LAMA3: variants seen among roughly 807,000 people sequenced by gnomAD.
The protein encoded by LAMA3 is laminin subunit alpha-3.
In LAMA3, 281 loss-of-function variants were observed where a neutral mutation model predicts 402.0. That is an observed-to-expected ratio of 0.70 (90% CI 0.63 to 0.77). LAMA3 has a LOEUF of 0.77. Among genes scored for constraint, LAMA3 ranks in the 30% least tolerant of loss-of-function variants. The pLI, the probability that LAMA3 is intolerant of heterozygous loss-of-function variation, is 0.00. For missense variants in LAMA3, 3,840 were observed against 4,215.5 expected (o/e 0.91, Z 2.47); for synonymous variants, 1,431 against 1,558.4 (o/e 0.92, Z 1.93).
chr18:23,940,281 G>C (rs1017858263), intron 68 of LAMA3, among the ~76,000 whole-genome samples: 1 of 152,192 alleles, frequency 6.6e-6, no homozygotes, highest in Non-Finnish European at 1.5e-5. Context: ...TCCACAGACT[G>C]TAACACAGTC....
intron 41 of LAMA3, among the ~76,000 whole-genome samples, chr18:23,889,632 AAAG>A (rs1204296324): frequency 7.8e-5 from 11 of 140,222 alleles, no homozygotes; most frequent in Non-Finnish European, 1.4e-4. Context: ...GGAAAAAAGA[AAAG>A]AAGAGAAGAG....
intron 7 of LAMA3, 59 bp downstream of exon 7, chr18:23,758,570 C>A: frequency 7.9e-7 from 1 of 1,259,286 alleles, no homozygotes; most frequent in Non-Finnish European, 1.2e-6. Flanking sequence ...TCCCTGGGGG[C>A]TGAGGCTATT....
intron 73 of LAMA3, 71 bp downstream of exon 73, chr18:23,951,848 A>G: frequency 8.2e-7 from 1 of 1,219,308 alleles, no homozygotes; most frequent in Non-Finnish European, 1.2e-6. Context: ...TGAACATCCC[A>G]AAGGCAGCCT....
chr18:23,850,090 G>A (rs2144655035), intron 32 of LAMA3, among the ~76,000 whole-genome samples: 1 of 152,240 alleles, frequency 6.6e-6, no homozygotes, highest in Admixed American at 6.5e-5. Flanking sequence ...GTTTAGAGGA[G>A]TCTAAAGCTC....
intron 74 of LAMA3, among the ~76,000 whole-genome samples, chr18:23,953,548 G>T (rs1219287162): frequency 1.3e-5 from 2 of 151,836 alleles, no homozygotes; most frequent in Non-Finnish European, 2.9e-5. Flanking sequence ...TGCTATGTTG[G>T]CCAGGCTGGT....
At chr18:23,893,808 T>C (rs2080777267) in intron 42 of LAMA3, among the ~76,000 whole-genome samples, 1 of 152,190 alleles carries the variant, frequency 6.6e-6, no homozygotes, top group Non-Finnish European at 1.5e-5. Flanking sequence ...TCTGTTACAC[T>C]GTAAATGCTC....
Position 23,814,497 on chromosome 18 carries a change from G to T in LAMA3, c.1883G>T (p.Cys628Phe). The T allele has an allele frequency of 6.2e-7, 1 of 1,601,176 alleles. No homozygotes were observed. Among genetic ancestry groups the T allele is most frequent in the Non-Finnish European group, 8.6e-7 (1 of 1,168,312 alleles). ...CTGGACAAAGAAAACCCCAGTGGAT[G>T]TTCAGGTAGGTTTCTTATATGTCAT... ...WNLDKENPSG[C>F]SECKCHKAGT... The change falls in exon 15 of 75, where the codon TGT becomes TTT. Residue 628 changes from cysteine (C) to phenylalanine (F), a missense_variant. Around this residue, in one of 3 missense-constraint regions of LAMA3, gnomAD observed 2,109 missense variants for 2,376.0 expected, o/e 0.89. Coordinates refer to ENST00000313654, the MANE Select transcript of LAMA3 (RefSeq NM_198129.4).
At chr18:23,834,834 A>G (rs1406712894) in intron 24 of LAMA3, 1 of 152,248 alleles carries the variant, frequency 6.6e-6, no homozygotes, top group Admixed American at 6.5e-5. Context: ...CAAATAAACA[A>G]AAACTTATCC....
chr18:23,760,678 A>C (rs2061949389), intron 7 of LAMA3, among the ~76,000 whole-genome samples: 1 of 152,232 alleles, frequency 6.6e-6, no homozygotes, highest in African/African-American at 2.4e-5. Context: ...GGAAATTAAA[A>C]AAATAAATAA....
At chr18:23,813,688 C>T (rs1045212307) in intron 14 of LAMA3, among the ~76,000 whole-genome samples, 6 of 151,466 alleles carry the variant, frequency 4.0e-5, no homozygotes, top group African/African-American at 7.3e-5. Flanking sequence ...ATTACAGGCA[C>T]GCCCCACCAC....
intron 32 of LAMA3, among the ~76,000 whole-genome samples, chr18:23,855,281 G>C (rs773721567): frequency 6.6e-6 from 1 of 152,224 alleles, no homozygotes; most frequent in African/African-American, 2.4e-5. Flanking sequence ...CCCTCTGTGC[G>C]TGGTGTTCTT....
intron 51 of LAMA3, among the ~76,000 whole-genome samples, chr18:23,905,164 G>A (rs1252316818): frequency 2.6e-5 from 4 of 152,106 alleles, no homozygotes; most frequent in Middle Eastern, 3.2e-3. Flanking sequence ...AGGGGGACAG[G>A]CCTTCTTGAA....
intron 2 of LAMA3, among the ~76,000 whole-genome samples, chr18:23,721,282 T>G (rs2061209097): frequency 6.6e-6 from 1 of 152,320 alleles, no homozygotes; most frequent in East Asian, 1.9e-4. Flanking sequence ...GGTATATTTC[T>G]CATCATGTCC....
intron 1 of LAMA3, among the ~76,000 whole-genome samples, chr18:23,695,770 C>G (rs1431800789): frequency 8.6e-6 from 1 of 116,084 alleles, no homozygotes; most frequent in Non-Finnish European, 1.6e-5. Flanking sequence ...GCACTCCAGC[C>G]TGGGTGACAC....
chr18:23,777,473 G>T (rs1350247945), intron 10 of LAMA3, 84 bp from the exon 11 acceptor site: 8 of 917,492 alleles, frequency 8.7e-6, no homozygotes, highest in Non-Finnish European at 1.5e-5. Context: ...GACAGAGGGT[G>T]TCTTCCTAGT....
Position 23,884,753 on chromosome 18 carries a change from T to G in LAMA3, c.5223-20T>G. ...ATCGATCTGTGTTTTTGATGGGGCC[T>G]TTTTCTGTCTTCTTTCAAGCTTTGC... On this transcript the variant is annotated intron_variant, in intron 40 of 74. Transcript: ENST00000313654. The G allele has an allele frequency of 2.5e-6, 4 of 1,600,228 alleles. No homozygotes were observed. Among genetic ancestry groups the G allele is most frequent in the Non-Finnish European group, 3.4e-6 (4 of 1,167,868 alleles).
At chr18:23,925,768 A>G (rs2081985566) in intron 62 of LAMA3, among the ~76,000 whole-genome samples, 1 of 152,222 alleles carries the variant, frequency 6.6e-6, no homozygotes, top group Non-Finnish European at 1.5e-5. Flanking sequence ...CCAAGGTAAC[A>G]AGAATCCCCC....
intron 19 of LAMA3, among the ~76,000 whole-genome samples, chr18:23,821,084 T>C (rs2063276629): frequency 1.3e-5 from 2 of 152,224 alleles, no homozygotes; most frequent in Admixed American, 1.3e-4. Flanking sequence ...TGTGAATGAC[T>C]GACAACCCAA....
At position 23,949,924 on chromosome 18, in the gene LAMA3, G is replaced by T. The variant is rs752440720; in HGVS notation, c.9511G>T (p.Ala3171Ser). 1 of 1,614,044 alleles carries T rather than the reference G, an allele frequency of 6.2e-7. No homozygotes were observed. Among genetic ancestry groups the T allele is most frequent in the Non-Finnish European group, 8.5e-7 (1 of 1,180,026 alleles). The change falls in exon 71 of 75, where the codon GCT becomes TCT. Residue 3171 changes from alanine to serine, a missense_variant and splice_region_variant. Around this residue, in one of 3 missense-constraint regions of LAMA3, gnomAD observed 840 missense variants for 981.9 expected, o/e 0.86. Transcript: ENST00000313654. ...TGAAGAAGGAGGTCATGTCGTCTTGGGTAAGGAGCAGTTCTATAGAATTTA... is the reference window on the plus strand; with the variant it reads ...TGAAGAAGGAGGTCATGTCGTCTTGTGTAAGGAGCAGTTCTATAGAATTTA... Reference protein sequence around the residue: ...FSEEGGHVVLAHSVLLGPEFK... With the variant: ...FSEEGGHVVLSHSVLLGPEFK...
Sources: gnomAD v4.1 joint callset for allele counts (sites outside exome capture counted in the v4.1 genomes callset) on GRCh38, gnomAD v4.1.1 for gene constraint, gnomAD v4.1.1 regional missense constraint, MANE v1.5 for transcripts, NCBI Gene and HGNC (gene_info 2026-07-23, HGNC 2026-07-21) for gene names.